Variants in SLC35F1 observed in about 807,000 individuals in gnomAD.
SLC35F1 encodes the protein solute carrier family 35 member F1.
A neutral mutation model predicts 48.7 loss-of-function variants in SLC35F1; 14 were observed. The observed-to-expected ratio is 0.29, with a 90% CI of 0.19 to 0.45. The LOEUF is 0.45. Ranked by LOEUF, SLC35F1 falls within the 20% of genes least tolerant of loss-of-function variation. The probability of loss-of-function intolerance (pLI) is 1.00; values close to 1 mark genes in which losing one functional copy is unlikely to be tolerated. For synonymous variants in SLC35F1, 190 were observed against 202.2 expected, an observed-to-expected ratio of 0.94 and a Z score of 0.51; for missense variants, 404 against 500.0, an observed-to-expected ratio of 0.81 and a Z score of 1.83.
intron 7 of SLC35F1, among the ~76,000 whole-genome samples, chr6:118,286,970 A>G (rs935029183): frequency 6.6e-6 from 1 of 152,080 alleles, no homozygotes; most frequent in African/African-American, 2.4e-5. Context: ...CATTCCCCCA[A>G]CAAGTTCCTA....
chr6:118,120,060 G>T (rs746422731), intron 1 of SLC35F1, among the ~76,000 whole-genome samples: 2 of 152,174 alleles, frequency 1.3e-5, no homozygotes, highest in African/African-American at 2.4e-5. Flanking sequence ...TAAACACACA[G>T]ATGGTTTCCC....
intron 2 of SLC35F1, among the ~76,000 whole-genome samples, chr6:118,164,342 T>C (rs1021128479): frequency 8.5e-5 from 13 of 152,218 alleles, no homozygotes; most frequent in African/African-American, 2.9e-4. Flanking sequence ...ACTGCCTAAT[T>C]ACTCATTTCT....
chr6:118,059,734 C>A (rs1772510512), intron 1 of SLC35F1, among the ~76,000 whole-genome samples: 2 of 152,200 alleles, frequency 1.3e-5, no homozygotes, highest in Non-Finnish European at 2.9e-5. Flanking sequence ...ACCACTTCCA[C>A]TTATGGCCAC....
intron 1 of SLC35F1, among the ~76,000 whole-genome samples, chr6:117,987,130 C>T (rs1002966133): frequency 1.3e-5 from 2 of 152,174 alleles, no homozygotes; most frequent in Non-Finnish European, 1.5e-5. Flanking sequence ...CCTGCAGGAC[C>T]ACCTTTGCCA....
chr6:118,185,629 C>T (rs1254037049), intron 2 of SLC35F1, among the ~76,000 whole-genome samples: 1 of 152,096 alleles, frequency 6.6e-6, no homozygotes, highest in East Asian at 1.9e-4. Flanking sequence ...TATTGAAAAT[C>T]AGACCTGGCA....
intron 1 of SLC35F1, among the ~76,000 whole-genome samples, chr6:117,951,530 A>G (rs1776363006): frequency 6.6e-6 from 1 of 152,252 alleles, no homozygotes; most frequent in African/African-American, 2.4e-5. Flanking sequence ...ATACAATATG[A>G]GATGTTAATA....
At chr6:118,130,167 G>A (rs183266675) in intron 1 of SLC35F1, among the ~76,000 whole-genome samples, 283 of 152,272 alleles carry the variant, frequency 1.9e-3, no homozygotes, top group Non-Finnish European at 2.3e-3. Flanking sequence ...CTGTAACATG[G>A]AAATTAGTAG....
At chr6:118,083,870 G>A (rs868394292) in intron 1 of SLC35F1, among the ~76,000 whole-genome samples, 2 of 152,130 alleles carry the variant, frequency 1.3e-5, no homozygotes, top group East Asian at 1.9e-4. Context: ...CTGTGCTATT[G>A]TCATGATTTC....
chr6:118,098,958 A>G (rs144450506), intron 1 of SLC35F1, among the ~76,000 whole-genome samples: 1 of 152,252 alleles, frequency 6.6e-6, no homozygotes, highest in East Asian at 1.9e-4. Flanking sequence ...TTTATAAGGT[A>G]CATCCTCTAG....
intron 2 of SLC35F1, among the ~76,000 whole-genome samples, chr6:118,161,176 C>T (rs1894613): frequency 0.26 from 39,647 of 151,912 alleles, 6,154 homozygotes; most frequent in Non-Finnish European, 0.36. Flanking sequence ...AGCATTTCCC[C>T]GTATATCAGA....
chr6:117,944,029 G>A (rs899120686), intron 1 of SLC35F1, among the ~76,000 whole-genome samples: 13 of 152,106 alleles, frequency 8.5e-5, no homozygotes, highest in South Asian at 8.3e-4. Context: ...AGCTTTGCAA[G>A]TGTGAAAAAA....
chr6:118,140,369 C>T (rs149698268), intron 1 of SLC35F1, among the ~76,000 whole-genome samples: 6 of 152,290 alleles, frequency 3.9e-5, no homozygotes, highest in Non-Finnish European at 5.9e-5. Flanking sequence ...CACCTAGAGA[C>T]GTTGTAGACT....
intron 1 of SLC35F1, among the ~76,000 whole-genome samples, chr6:118,023,239 C>G (rs1313134512): frequency 1.3e-5 from 2 of 152,170 alleles, no homozygotes; most frequent in Non-Finnish European, 2.9e-5. Context: ...AGGAGACCAG[C>G]TGCATAATTT....
At position 118,267,491 on chromosome 6, in the gene SLC35F1, C is replaced by G. The variant is rs372936559; in HGVS notation, c.637+337C>G. Among the ~76,000 whole-genome samples, 24 of 152,298 alleles carry G rather than the reference C, an allele frequency of 1.6e-4. No homozygotes were observed. The East Asian group carries it at 2.5e-3, about 16-fold the overall frequency. ...CTGAACCAGCTGCCTGGCCCAAGCC[C>G]TGGTCCTTGGTAGAGTTGGTGGTAA... On this transcript the variant is annotated intron_variant, in intron 4 of 7. Coordinates refer to ENST00000360388, the MANE Select transcript of SLC35F1 (RefSeq NM_001029858.4).
intron 1 of SLC35F1, among the ~76,000 whole-genome samples, chr6:118,014,393 C>G (rs1777292397): frequency 6.6e-6 from 1 of 152,012 alleles, no homozygotes; most frequent in African/African-American, 2.4e-5. Flanking sequence ...ATGGTGGGCT[C>G]TACATGGTTA....
intron 1 of SLC35F1, among the ~76,000 whole-genome samples, chr6:118,098,224 A>G (rs575821760): frequency 2.0e-5 from 3 of 152,324 alleles, no homozygotes; most frequent in African/African-American, 7.2e-5. Flanking sequence ...CTCATGAGGT[A>G]GAGTGGGCAA....
intron 2 of SLC35F1, among the ~76,000 whole-genome samples, chr6:118,222,868 T>A (rs1775168913): frequency 6.6e-6 from 1 of 152,238 alleles, no homozygotes; most frequent in Admixed American, 6.5e-5. Flanking sequence ...CTCATTGCTA[T>A]TTTGTGTAAC....
rs113127278 is a variant in SLC35F1 at position 117,914,169 on chromosome 6, T to C, written c.173+6270T>C. ...ATCCACATATATACACACACGTGTA[T>C]ATGTGTGTGTATATATATAGAGAGA... On this transcript the variant is annotated intron_variant, in intron 1 of 7. Transcript: ENST00000360388. Among the ~76,000 whole-genome samples, 1,084 of 152,030 alleles carry C rather than the reference T, an allele frequency of 7.1e-3. 15 individuals carry two copies. The highest frequency in any genetic ancestry group is 0.025 in the African/African-American group (1,026 of 41,444).
intron 1 of SLC35F1, among the ~76,000 whole-genome samples, chr6:117,941,615 T>C (rs1776234102): frequency 6.6e-6 from 1 of 152,264 alleles, no homozygotes; most frequent in Admixed American, 6.5e-5. Flanking sequence ...TTTTCTTTTA[T>C]ACAATATTAT....
Sources: gnomAD v4.1 joint callset for allele counts (sites outside exome capture counted in the v4.1 genomes callset) on GRCh38, gnomAD v4.1.1 for gene constraint, MANE v1.5 for transcripts, NCBI Gene and HGNC (gene_info 2026-07-23, HGNC 2026-07-21) for gene names.